Variants in COMMD4 observed in about 807,000 individuals in gnomAD.
COMMD4 encodes COMM domain-containing protein 4.
In COMMD4, 18 loss-of-function variants were observed where a neutral mutation model predicts 27.5. The ratio of observed to expected loss-of-function variants is 0.65; its 90% CI spans 0.45 to 0.97. The LOEUF is 0.97. COMMD4 is among the 50% of genes least tolerant of loss of function. The probability of loss-of-function intolerance (pLI) is 0.00; values close to 1 mark genes in which losing one functional copy is unlikely to be tolerated. For synonymous variants in COMMD4, 108 were observed against 108.4 expected (o/e 1.00, Z 0.02); for missense variants, 243 against 250.0 (o/e 0.97, Z 0.19).
chr15:75,338,151 T>C lies in COMMD4; in HGVS notation c.75+18T>C. 6.3e-7 allele frequency: 1 copy of C among 1,589,946 alleles called. No homozygotes were observed. The highest frequency in any genetic ancestry group is 8.6e-7 in the Non-Finnish European group (1 of 1,167,860). ...CCAAGATGGTTGAGTGCACAGGGTC[T>C]AGTCTGGGTGGAGGAGGGGTGTTGG... is the stretch of plus-strand genomic sequence containing the variant. On this transcript the variant is annotated intron_variant, in intron 2 of 7. Transcript: ENST00000267935.
At chr15:75,339,231 G>A in intron 5 of COMMD4, 33 bp from the exon 6 acceptor site, 2 of 1,612,154 alleles carry the variant, frequency 1.2e-6, no homozygotes, top group South Asian at 2.2e-5. Context: ...GCCCCGACAT[G>A]CTACCTCCAG....
At chr15:75,338,745 G>A in intron 4 of COMMD4, 60 bp downstream of exon 4, 1 of 1,562,900 alleles carries the variant, frequency 6.4e-7, no homozygotes, top group Non-Finnish European at 8.8e-7. Context: ...CCTGGTGCCT[G>A]GTACAGAGGG....
Position 75,338,388 on chromosome 15 carries a change from G to A in COMMD4, c.109G>A (p.Val37Ile). The part of the protein sequence containing the change: ...SVKLRLLCSQ[V>I]LKELLGQGID... ...GAAGTTGCGGCTGCTCTGCAGCCAG[G>A]TACTAAAGGAGCTGCTGGGACAGGG... Residue 37 changes from valine (V) to isoleucine (I), a missense_variant, in exon 3 of 8, where the codon GTA becomes ATA. Physicochemically the swap from Val to Ile is conservative, Grantham distance 29. Transcript: ENST00000267935. 6.3e-7 allele frequency: 1 copy of A among 1,598,262 alleles called. No homozygotes were observed.
intron 1 of COMMD4, chr15:75,337,239 CTG>C (rs2071234889): frequency 6.6e-6 from 1 of 150,550 alleles, no homozygotes; most frequent in South Asian, 2.1e-4. Context: ...GAGGGAGACT[CTG>C]TCTTATTTTT....
rs767322876 is a variant in COMMD4 at position 75,338,976 on chromosome 15, G to T, written c.182-9G>T. On this transcript the variant is annotated splice_polypyrimidine_tract_variant and intron_variant, in intron 4 of 7. Transcript: ENST00000267935. ...GTGACACCCCCTGCCCCACCCACGG[G>T]TCCCTCAGAGTCAGGCGATGTGAAG... is the stretch of plus-strand genomic sequence containing the variant. The T allele has an allele frequency of 1.9e-6, 3 of 1,613,822 alleles. No individual in the cohort carries two copies. The highest frequency in any genetic ancestry group is 3.3e-5 in the Admixed American group (2 of 60,000).
intron 2 of COMMD4, 86 bp downstream of exon 2, chr15:75,338,219 G>A: frequency 3.9e-6 from 6 of 1,526,876 alleles, no homozygotes; most frequent in Non-Finnish European, 4.5e-6. Context: ...GTTTCTCTGG[G>A]GCTAGGGCCT....
At position 75,339,261 on chromosome 15, in the gene COMMD4, C is replaced by A. The variant is rs1374806574; in HGVS notation, c.302-3C>A. 2.5e-6 allele frequency: 4 copies of A among 1,612,216 alleles called. No homozygotes were observed. The highest frequency in any genetic ancestry group is 2.5e-6 in the Non-Finnish European group (3 of 1,180,006). The stretch of plus-strand genomic sequence containing the variant: ...CTCCAGAGCTACTCCATTCTACCCC[C>A]AGAGCACGCGGCCAGCCTGTGCCGC... On this transcript the variant is annotated splice_polypyrimidine_tract_variant and splice_region_variant and intron_variant, in intron 5 of 7. Coordinates refer to ENST00000267935, the MANE Select transcript of COMMD4 (RefSeq NM_017828.5).
intron 6 of COMMD4, 169 bp from the exon 7 acceptor site, chr15:75,339,533 A>G: frequency 8.8e-7 from 1 of 1,141,304 alleles, no homozygotes; most frequent in Non-Finnish European, 1.3e-6. Context: ...GCTGTGGGTG[A>G]TCAGAACTGA....
downstream of COMMD4, among the ~76,000 whole-genome samples, chr15:75,340,482 C>G (rs950437577): frequency 1.3e-5 from 2 of 152,220 alleles, no homozygotes; most frequent in Non-Finnish European, 1.5e-5. Flanking sequence ...CTGGGATGCT[C>G]TTGGCTCTGC....
Position 75,338,112 on chromosome 15 carries a change from A to T in COMMD4, c.54A>T (p.Glu18Asp), listed in dbSNP as rs375194544. The change falls in exon 2 of 8, where the codon GAA (glutamate) becomes GAT (aspartate). Residue 18 changes from glutamate to aspartate, a missense_variant. By Grantham distance (45) the Glu-to-Asp change is conservative. Coordinates refer to ENST00000267935, the MANE Select transcript of COMMD4 (RefSeq NM_017828.5). ...DLDCPDWVLA[E>D]ISTLAKMSSV... ...ACTGTCCCGACTGGGTCCTGGCAGA[A>T]ATCAGCACGCTGGCCAAGATGGTTG... 3.1e-6 allele frequency: 5 copies of T among 1,607,488 alleles called. No individual in the cohort carries two copies. The highest frequency in any genetic ancestry group is 4.2e-6 in the Non-Finnish European group (5 of 1,176,900).
In COMMD4 at chr15:75,340,029, G is replaced by T. The variant is rs2071400504; in HGVS notation, c.*24G>T. 2 of 1,613,368 alleles carry T rather than the reference G, an allele frequency of 1.2e-6. No individual in the cohort carries two copies. Among genetic ancestry groups the T allele is most frequent in the Admixed American group, 3.3e-5 (2 of 59,948 alleles). On this transcript the variant is annotated 3_prime_UTR_variant, in exon 8 of 8. Coordinates refer to ENST00000267935, the MANE Select transcript of COMMD4 (RefSeq NM_017828.5). ...GAGGAGAAGGGTGTTCCAGGCCTGT[G>T]TGGAGCCGCCCTGCCCGTATGGAGT...
chr15:75,341,345 G>A (rs2141301639), downstream of COMMD4: 1 of 152,352 alleles, frequency 6.6e-6, no homozygotes, highest in South Asian at 2.1e-4. Context: ...CACATGGAGG[G>A]TACAAGGAGG....
intron 1 of COMMD4, chr15:75,336,784 G>A (rs1299660528): frequency 1.3e-5 from 2 of 152,486 alleles, no homozygotes; most frequent in East Asian, 3.8e-4. Flanking sequence ...CTTAAAGGCG[G>A]ATGGATGGCA....
chr15:75,340,782 A>C (rs1453975018), downstream of COMMD4: 1 of 148,524 alleles, frequency 6.7e-6, no homozygotes, highest in Non-Finnish European at 1.5e-5. Flanking sequence ...GATTACAGGC[A>C]TGCCCCACTA....
chr15:75,336,568 T>C (rs2071200225), intron 1 of COMMD4: 2 of 231,888 alleles, frequency 8.6e-6, no homozygotes, highest in South Asian at 9.4e-5. Flanking sequence ...TTGAGACTTA[T>C]CCATCCATCC....
At position 75,339,877 on chromosome 15, in the gene COMMD4, A is replaced by G; in HGVS notation, c.558A>G (p.Ala186=). The part of the protein sequence containing the change: ...LSADKFQVLL[A]ELKQAQTLMS... The stretch of plus-strand genomic sequence containing the variant: ...CAGACAAGTTCCAGGTCCTCCTGGC[A>G]GGTGAGGCTCAGCTATTCCTCGACG... The change falls in exon 7 of 8, where the codon GCA becomes GCG. Residue 186 remains alanine (A), a splice_region_variant and synonymous_variant. Transcript: ENST00000267935. 1 of 1,612,916 alleles carries G rather than the reference A, an allele frequency of 6.2e-7. No individual in the cohort carries two copies. Among genetic ancestry groups the G allele is most frequent in the Non-Finnish European group, 8.5e-7 (1 of 1,179,082 alleles).
downstream of COMMD4, chr15:75,341,524 T>G (rs1041213595): frequency 1.3e-5 from 2 of 152,172 alleles, no homozygotes; most frequent in Non-Finnish European, 2.9e-5. Context: ...TAAGTACAGT[T>G]AACAACCCTG....
At chr15:75,336,352 G>C in intron 1 of COMMD4, 1 of 1,247,004 alleles carries the variant, frequency 8.0e-7, no homozygotes, top group African/African-American at 1.6e-5. Context: ...AAGGGCCCCT[G>C]CCTCCCGGGG....
At chr15:75,343,132 C>T (rs1176519896), downstream of COMMD4, 2 of 152,124 alleles carry the variant, frequency 1.3e-5, no homozygotes, top group Admixed American at 1.3e-4. Flanking sequence ...TTTGATCATT[C>T]CACAATATAT....
Sources: gnomAD v4.1 joint callset for allele counts (sites outside exome capture counted in the v4.1 genomes callset) on GRCh38, gnomAD v4.1.1 for gene constraint, MANE v1.5 for transcripts, NCBI Gene and HGNC (gene_info 2026-07-23, HGNC 2026-07-21) for gene names.